The following LRRC69 variants were observed in gnomAD, a reference collection of about 807,000 sequenced individuals.
LRRC69 encodes leucine rich repeat containing 69, also known as leucine-rich repeat-containing protein 69.
A neutral mutation model predicts 37.8 loss-of-function variants in LRRC69; 42 were observed. That is an observed-to-expected ratio of 1.11 (90% CI 0.87 to 1.44). The LOEUF is 1.44. Ranked by LOEUF, LRRC69 falls within the 40% of genes most tolerant of loss-of-function variation. LRRC69 has a pLI of 0.00. For missense variants in LRRC69, 357 were observed against 401.9 expected (o/e 0.89, Z 0.96); for synonymous variants, 141 against 143.1 (o/e 0.99, Z 0.11).
At chr8:91,127,153 G>T in exon 3 of LRRC69, 2 of 1,548,594 alleles carry the variant, frequency 1.3e-6, no homozygotes, top group Non-Finnish European at 1.7e-6. Context: ...TCCTCAAGAA[G>T]TCAGCAGGTA....
intron 5 of LRRC69, chr8:91,157,198 G>A: frequency 1.1e-6 from 1 of 928,436 alleles, no homozygotes; most frequent in Non-Finnish European, 1.7e-6. Context: ...TCTGTAGATT[G>A]CTTTGTGTAA....
At chr8:91,202,109 G>A (rs555463825) in intron 7 of LRRC69, among the ~76,000 whole-genome samples, 41 of 152,278 alleles carry the variant, frequency 2.7e-4, no homozygotes, top group Admixed American at 5.9e-4. Flanking sequence ...GGGAGACTGA[G>A]ACAGGAGAAT....
intron 5 of LRRC69, among the ~76,000 whole-genome samples, chr8:91,161,731 T>A (rs1808948972): frequency 6.6e-6 from 1 of 151,328 alleles, no homozygotes; most frequent in Non-Finnish European, 1.5e-5. Context: ...AACAACTTTT[T>A]AAATTTGCTT....
intron 5 of LRRC69, among the ~76,000 whole-genome samples, chr8:91,149,800 C>T (rs566756230): frequency 2.0e-5 from 3 of 152,058 alleles, no homozygotes; most frequent in South Asian, 2.1e-4. Context: ...AGGTCCTTCA[C>T]GTCCCTTGTA....
intron 5 of LRRC69, among the ~76,000 whole-genome samples, chr8:91,175,044 AC>A (rs775324701): frequency 8.5e-5 from 13 of 152,180 alleles, no homozygotes. Context: ...TATTGGAGGG[AC>A]TTATCTATCT....
intron 3 of LRRC69, among the ~76,000 whole-genome samples, chr8:91,131,308 A>G (rs1218170895): frequency 2.0e-5 from 3 of 150,392 alleles, no homozygotes; most frequent in African/African-American, 7.3e-5. Context: ...TCCTGGGCTC[A>G]AGCAATCCTT....
At chr8:91,190,562 A>G (rs1189527335) in intron 6 of LRRC69, among the ~76,000 whole-genome samples, 1 of 152,128 alleles carries the variant, frequency 6.6e-6, no homozygotes, top group Non-Finnish European at 1.5e-5. Flanking sequence ...TCTATACACT[A>G]TATAGAGTTG....
chr8:91,204,052 G>GC, intron 7 of LRRC69, among the ~76,000 whole-genome samples: 1 of 150,524 alleles, frequency 6.6e-6, no homozygotes, highest in East Asian at 2.0e-4. Flanking sequence ...AACCCAGGAG[G>GC]AGCAGCTTGC....
At chr8:91,162,309 G>C (rs559210527) in intron 5 of LRRC69, among the ~76,000 whole-genome samples, 1 of 151,254 alleles carries the variant, frequency 6.6e-6, no homozygotes, top group Non-Finnish European at 1.5e-5. Flanking sequence ...TTTCTTCATT[G>C]ATTTTCTGTC....
chr8:91,102,739 G>A lies in LRRC69; in HGVS notation c.78G>A (p.Met26Ile), dbSNP rs919957368. Residue 26 changes from methionine to isoleucine, a missense_variant, in exon 1 of 8, where the codon ATG becomes ATA. Coordinates refer to ENST00000448384, the Ensembl canonical transcript of LRRC69. ...TCATTACTTTGAATGGGAAGAAGAT[G>A]ACAAAGATGCCCTCAGCATTAGGAA... The A allele has an allele frequency of 1.9e-6, 3 of 1,551,762 alleles. No homozygotes were observed. In the African/African-American group the frequency reaches 4.1e-5, roughly 21 times the overall value.
At chr8:91,163,240 A>G (rs1479009402) in intron 5 of LRRC69, among the ~76,000 whole-genome samples, 2 of 151,290 alleles carry the variant, frequency 1.3e-5, no homozygotes, top group Non-Finnish European at 3.0e-5. Context: ...ACATGTTTAG[A>G]TTTGTTTACT....
intron 5 of LRRC69, among the ~76,000 whole-genome samples, chr8:91,187,664 T>TTCACACTGATACCCTGCCTC (rs1809427628): frequency 1.3e-5 from 2 of 151,330 alleles, no homozygotes; most frequent in Admixed American, 1.3e-4. Flanking sequence ...CTTCCTGTCT[T>TTCACACTGATACCCTGCCTC]CATTCATACT....
rs184541364 is a variant in LRRC69, at chr8:91,186,343, G to A, written c.652-3179G>A. Among the ~76,000 whole-genome samples the A allele has an allele frequency of 2.0e-3, 310 of 152,270 alleles. 2 individuals are homozygous for A. The highest frequency in any genetic ancestry group is 3.6e-3 in the Non-Finnish European group (248 of 68,022). On this transcript the variant is annotated intron_variant, in intron 5 of 7. Transcript: ENST00000448384. ...GATTAATTTATATACCAGGCCCAAT[G>A]AGGAGACAAGGAAACATTCGATAGA...
chr8:91,108,526 C>T (rs1033452581), intron 1 of LRRC69, among the ~76,000 whole-genome samples: 4 of 151,974 alleles, frequency 2.6e-5, no homozygotes, highest in African/African-American at 9.7e-5. Flanking sequence ...TACTATGAGT[C>T]TCTAGTCAGA....
chr8:91,114,163 G>A (rs542878939), intron 1 of LRRC69, among the ~76,000 whole-genome samples: 1 of 151,922 alleles, frequency 6.6e-6, no homozygotes, highest in South Asian at 2.1e-4. Flanking sequence ...CAAAAAGTAA[G>A]TATTCACAAG....
chr8:91,111,708 AAC>A (rs1813412790), intron 1 of LRRC69, among the ~76,000 whole-genome samples: 1 of 151,900 alleles, frequency 6.6e-6, no homozygotes, highest in Admixed American at 6.6e-5. Context: ...AGAGGGGAAT[AAC>A]ACACACTGGG....
In LRRC69 at chr8:91,206,620, A is replaced by T. The variant is rs1420461953; in HGVS notation, c.933+5828A>T. On this transcript the variant is annotated intron_variant, in intron 7 of 7. Transcript: ENST00000448384. ...ACACCTTAGACAAGTTGCCATGTTT[A>T]ATTGTGCTCTGACAGATTCCCTCTC... The T allele has an allele frequency of 8.2e-6, 10 of 1,220,448 alleles. No individual in the cohort carries two copies. The South Asian group carries it at 1.3e-4, about 16-fold the overall frequency. The allele number at this position is 1,220,448 out of a possible 1,614,324, so 75.6% of individuals were successfully genotyped here. A position where few individuals can be genotyped will look rare whatever the true frequency, so the allele number is the denominator to read the frequency against.
chr8:91,125,191 ATGGCTTT>A (rs1279915378), intron 2 of LRRC69, among the ~76,000 whole-genome samples: 1 of 151,854 alleles, frequency 6.6e-6, no homozygotes, highest in Non-Finnish European at 1.5e-5. Context: ...AGAGATCTAC[ATGGCTTT>A]TATAGCTTTA....
At chr8:91,117,536 G>A (rs1395039472) in intron 1 of LRRC69, among the ~76,000 whole-genome samples, 2 of 145,138 alleles carry the variant, frequency 1.4e-5, no homozygotes, top group African/African-American at 5.1e-5. Flanking sequence ...AGTTATCTTA[G>A]AAGCCGAAAC....
Sources: allele counts gnomAD v4.1 joint callset (sites outside exome capture counted in the v4.1 genomes callset), GRCh38; gene constraint gnomAD v4.1.1; transcripts MANE v1.5; gene names NCBI Gene and HGNC (gene_info 2026-07-23, HGNC 2026-07-21).